PKNOX2: variants seen among roughly 807,000 people sequenced by gnomAD.
PKNOX2 encodes the protein PBX/knotted 1 homeobox 2.
Under a neutral mutation model 53.1 loss-of-function variants are expected in PKNOX2, and 14 were observed. The observed-to-expected ratio is 0.26, with a 90% confidence interval of 0.17 to 0.41. The LOEUF is 0.41. Among genes scored for constraint, PKNOX2 ranks in the 10% least tolerant of loss-of-function variants. The pLI is 1.00. For synonymous variants in PKNOX2, 257 were observed against 242.8 expected (o/e 1.06, Z -0.54); for missense variants, 496 against 602.8 (o/e 0.82, Z 1.85).
At chr11:125,341,702 AG>A (rs1343813762) in intron 3 of PKNOX2, among the ~76,000 whole-genome samples, 1 of 152,272 alleles carries the variant, frequency 6.6e-6, no homozygotes, top group South Asian at 2.1e-4. Context: ...GTGTTGATGA[AG>A]GGAACGGCAT....
chr11:125,297,253 G>A (rs1316449931), intron 2 of PKNOX2, among the ~76,000 whole-genome samples: 1 of 152,202 alleles, frequency 6.6e-6, no homozygotes, highest in African/African-American at 2.4e-5. Flanking sequence ...TCAGAATGGA[G>A]GCAGATAGCA....
chr11:125,320,553 GAC>G (rs1254504762), intron 2 of PKNOX2, among the ~76,000 whole-genome samples: 4 of 152,130 alleles, frequency 2.6e-5, no homozygotes, highest in Non-Finnish European at 5.9e-5. Flanking sequence ...GGCTCCATGA[GAC>G]ACACACAAGC....
intron 6 of PKNOX2, among the ~76,000 whole-genome samples, chr11:125,390,326 A>C (rs1298567185): frequency 6.6e-6 from 1 of 152,216 alleles, no homozygotes; most frequent in African/African-American, 2.4e-5. Flanking sequence ...CCCAGGCAGG[A>C]ATCAAATACA....
chr11:125,333,163 A>G (rs888363445), intron 3 of PKNOX2, among the ~76,000 whole-genome samples: 1 of 152,204 alleles, frequency 6.6e-6, no homozygotes, highest in Non-Finnish European at 1.5e-5. Flanking sequence ...GGATTGAAGA[A>G]GATGGGAAGA....
At chr11:125,213,947 GGGGTTTC>G (rs1940187479) in intron 1 of PKNOX2, among the ~76,000 whole-genome samples, 1 of 152,088 alleles carries the variant, frequency 6.6e-6, no homozygotes, top group African/African-American at 2.4e-5. Flanking sequence ...GGGCCAGGGA[GGGGTTTC>G]CAGCACCTAC....
chr11:125,249,995 G>A (rs934039954), intron 2 of PKNOX2, among the ~76,000 whole-genome samples: 1 of 148,974 alleles, frequency 6.7e-6, no homozygotes, highest in Non-Finnish European at 1.5e-5. Flanking sequence ...TACCCGGGAG[G>A]CAGAGGTTGC....
At chr11:125,351,479 G>A (rs1014732016) in intron 4 of PKNOX2, 87 bp downstream of exon 4, 32 of 846,182 alleles carry the variant, frequency 3.8e-5, no homozygotes, top group Admixed American at 1.3e-4. Flanking sequence ...GACATTCCAG[G>A]GGCCGACGGG....
At chr11:125,215,987 T>G (rs1302608232) in intron 1 of PKNOX2, among the ~76,000 whole-genome samples, 3 of 152,246 alleles carry the variant, frequency 2.0e-5, no homozygotes, top group African/African-American at 7.2e-5. Flanking sequence ...TTGCAGTCCA[T>G]GCTTGCTGCT....
intron 1 of PKNOX2, among the ~76,000 whole-genome samples, chr11:125,226,829 G>A (rs1305729474): frequency 1.3e-5 from 2 of 150,490 alleles, no homozygotes; most frequent in Non-Finnish European, 2.9e-5. Context: ...CAGCCTTCTG[G>A]AGTTGCCTTC....
chr11:125,397,809 G>C, intron 6 of PKNOX2, 65 bp from the exon 7 acceptor site: 1 of 1,503,304 alleles, frequency 6.7e-7, no homozygotes, highest in Non-Finnish European at 9.0e-7. Context: ...GTGGGGGCTG[G>C]GGGTCCAGGC....
chr11:125,363,805 AAATTAGAGGTG>A, intron 4 of PKNOX2, among the ~76,000 whole-genome samples: 3 of 152,242 alleles, frequency 2.0e-5, no homozygotes, highest in South Asian at 2.1e-4. Flanking sequence ...GGAAAAACTG[AAATTAGAGGTG>A]TGCTAGTAAA....
At chr11:125,362,711 T>C (rs891211989) in intron 4 of PKNOX2, among the ~76,000 whole-genome samples, 2 of 152,156 alleles carry the variant, frequency 1.3e-5, no homozygotes, top group East Asian at 3.9e-4. Context: ...AACATGTCAC[T>C]CTTCCCCTAC....
intron 5 of PKNOX2, among the ~76,000 whole-genome samples, chr11:125,380,729 C>A (rs1953161431): frequency 6.6e-6 from 1 of 152,314 alleles, no homozygotes; most frequent in African/African-American, 2.4e-5. Context: ...GAATCCTTCT[C>A]CCCACCCATC....
At chr11:125,381,056 G>A (rs1251169491) in intron 5 of PKNOX2, among the ~76,000 whole-genome samples, 1 of 152,188 alleles carries the variant, frequency 6.6e-6, no homozygotes, top group Non-Finnish European at 1.5e-5. Flanking sequence ...CTGAGAAATG[G>A]AGCGTGTCTC....
intron 2 of PKNOX2, among the ~76,000 whole-genome samples, chr11:125,260,448 C>T (rs770579573): frequency 3.3e-5 from 5 of 151,992 alleles, no homozygotes; most frequent in Non-Finnish European, 7.4e-5. Context: ...CTGCCTACCT[C>T]GGCCTCCCAA....
intron 1 of PKNOX2, among the ~76,000 whole-genome samples, chr11:125,234,751 C>T (rs1163633475): frequency 2.6e-5 from 4 of 152,262 alleles, no homozygotes; most frequent in South Asian, 2.1e-4. Context: ...CTTTTTTTCT[C>T]CTCTGGTAGT....
intron 1 of PKNOX2, among the ~76,000 whole-genome samples, chr11:125,221,035 A>T (rs989891710): frequency 6.6e-6 from 1 of 152,138 alleles, no homozygotes; most frequent in African/African-American, 2.4e-5. Flanking sequence ...GGCACCTGTA[A>T]TCCCAGCTAC....
chr11:125,186,777 A>G (rs560625155), intron 1 of PKNOX2, among the ~76,000 whole-genome samples: 1 of 152,342 alleles, frequency 6.6e-6, no homozygotes, highest in East Asian at 1.9e-4. Flanking sequence ...ATAACTAAGA[A>G]TCACTGTCAA....
chr11:125,407,669 G>GT (rs1442579493), intron 7 of PKNOX2, among the ~76,000 whole-genome samples: 1 of 152,038 alleles, frequency 6.6e-6, no homozygotes, highest in Non-Finnish European at 1.5e-5. Flanking sequence ...GGAGGCTCAG[G>GT]TGGGAGGATT....
Sources: gnomAD v4.1 joint callset for allele counts (sites outside exome capture counted in the v4.1 genomes callset) on GRCh38, gnomAD v4.1.1 for gene constraint, MANE v1.5 for transcripts, NCBI Gene and HGNC (gene_info 2026-07-23, HGNC 2026-07-21) for gene names.